Variants in TMEM38B observed in about 807,000 individuals in gnomAD.
TMEM38B encodes trimeric intracellular cation channel type B.
A neutral mutation model predicts 28.7 loss-of-function variants in TMEM38B; 24 were observed. That is an observed-to-expected ratio of 0.84 (90% confidence interval 0.61 to 1.18). The LOEUF is 1.18. TMEM38B is among the 50% of genes most tolerant of loss of function. The pLI is 0.00. For missense variants in TMEM38B, 380 were observed against 350.9 expected (o/e 1.08, Z -0.66); for synonymous variants, 131 against 127.7 (o/e 1.03, Z -0.17).
Position 105,721,655 on chromosome 9 carries a change from G to A in TMEM38B, c.388G>A (p.Val130Ile). 6.2e-7 allele frequency: 1 copy of A among 1,613,630 alleles called. No individual in the cohort carries two copies. Among genetic ancestry groups the A allele is most frequent in the Non-Finnish European group, 8.5e-7 (1 of 1,179,642 alleles). Residue 130 changes from valine to isoleucine, a missense_variant, in exon 3 of 6, where the codon GTC becomes ATC. Transcript: ENST00000374692. ...CAGAACTTGGAAAATAGTAGGTGGA[G>A]TCACACATGCTAATAGCTATTACAA... Reference protein sequence around the residue: ...VTRTWKIVGGVTHANSYYKNG... With the variant: ...VTRTWKIVGGITHANSYYKNG...
intron 5 of TMEM38B, among the ~76,000 whole-genome samples, chr9:105,761,078 T>C (rs560028311): frequency 6.6e-6 from 1 of 152,344 alleles, no homozygotes; most frequent in East Asian, 1.9e-4. Context: ...TAAACTATAA[T>C]TCTGTTTTTA....
At position 105,717,504 on chromosome 9, in the gene TMEM38B, T is replaced by G. The variant is rs151035174; in HGVS notation, c.270-4033T>G. Among the ~76,000 whole-genome samples the G allele has an allele frequency of 4.6e-4, 70 of 152,348 alleles. 1 individual carries two copies. In the East Asian group the frequency reaches 0.01, roughly 22 times the overall value. On this transcript the variant is annotated intron_variant, in intron 2 of 5. Coordinates refer to ENST00000374692, the MANE Select transcript of TMEM38B (RefSeq NM_018112.3). Reference sequence around the variant, plus strand: ...TGGATAAATTATGGCATATTAATTCTGTTACGGTAAATACTGGTGAAAATT... The same window carrying G: ...TGGATAAATTATGGCATATTAATTCGGTTACGGTAAATACTGGTGAAAATT...
chr9:105,753,463 A>G (rs1588459833), intron 5 of TMEM38B, among the ~76,000 whole-genome samples: 1 of 152,106 alleles, frequency 6.6e-6, no homozygotes, highest in Non-Finnish European at 1.5e-5. Context: ...CTAACAGTGG[A>G]CCTCTCAGTG....
intron 4 of TMEM38B, among the ~76,000 whole-genome samples, chr9:105,734,784 A>G (rs1836908535): frequency 6.6e-6 from 1 of 150,502 alleles, no homozygotes. Flanking sequence ...TGCATGGAAT[A>G]TGTTTTTCAT....
intron 4 of TMEM38B, among the ~76,000 whole-genome samples, chr9:105,733,026 C>G (rs1836820905): frequency 6.6e-6 from 1 of 152,104 alleles, no homozygotes; most frequent in Admixed American, 6.6e-5. Flanking sequence ...TGTTCAGTTT[C>G]CATGTAGTTG....
At chr9:105,703,574 G>C (rs567593578) in intron 1 of TMEM38B, among the ~76,000 whole-genome samples, 102 of 152,312 alleles carry the variant, frequency 6.7e-4, no homozygotes, top group African/African-American at 2.1e-3. Context: ...GTAATGGGAT[G>C]GCTGGGTCAA....
At chr9:105,721,748 A>G in intron 3 of TMEM38B, 27 bp downstream of exon 3, 1 of 1,549,140 alleles carries the variant, frequency 6.5e-7, no homozygotes, top group Non-Finnish European at 8.8e-7. Context: ...GTGTTCATAA[A>G]TATTCTGTTG....
intron 5 of TMEM38B, among the ~76,000 whole-genome samples, chr9:105,773,093 C>T (rs1826610333): frequency 1.3e-5 from 2 of 152,080 alleles, no homozygotes; most frequent in Non-Finnish European, 2.9e-5. Context: ...TGGGGAAATT[C>T]CTGGATTCTT....
chr9:105,771,815 A>G (rs1046583953), intron 5 of TMEM38B, among the ~76,000 whole-genome samples: 1 of 152,082 alleles, frequency 6.6e-6, no homozygotes, highest in Admixed American at 6.6e-5. Context: ...TGACTTCCAG[A>G]TCTATATCTA....
chr9:105,724,622 T>A (rs1836441062), intron 4 of TMEM38B, among the ~76,000 whole-genome samples: 1 of 131,038 alleles, frequency 7.6e-6, no homozygotes. Context: ...AGACTCTGTC[T>A]CAAAAAAAAA....
At chr9:105,717,863 T>G (rs1465786904) in intron 2 of TMEM38B, among the ~76,000 whole-genome samples, 2 of 152,216 alleles carry the variant, frequency 1.3e-5, no homozygotes, top group Non-Finnish European at 2.9e-5. Flanking sequence ...TTACATAGCA[T>G]TTACTGTGTC....
At chr9:105,700,805 T>A (rs1268879028) in intron 1 of TMEM38B, among the ~76,000 whole-genome samples, 1 of 152,142 alleles carries the variant, frequency 6.6e-6, no homozygotes, top group South Asian at 2.1e-4. Flanking sequence ...TGAGTCCCCA[T>A]GTAAAAACAG....
At chr9:105,759,213 G>T in intron 5 of TMEM38B, 1 of 720,194 alleles carries the variant, frequency 1.4e-6, no homozygotes, top group Admixed American at 2.0e-5. Context: ...TGAATATTAT[G>T]AATTATTTGT....
chr9:105,695,324 C>T (rs1359485694), intron 1 of TMEM38B, among the ~76,000 whole-genome samples: 1 of 152,208 alleles, frequency 6.6e-6, no homozygotes, highest in Admixed American at 6.5e-5. Flanking sequence ...CAAAAAGCCT[C>T]CTGTAGCCAG....
At chr9:105,744,899 C>T (rs1358654187) in intron 4 of TMEM38B, among the ~76,000 whole-genome samples, 1 of 152,122 alleles carries the variant, frequency 6.6e-6, no homozygotes, top group Non-Finnish European at 1.5e-5. Context: ...CATCCATGTC[C>T]CTACAAAGGA....
In TMEM38B at chr9:105,710,877, C is replaced by T. The variant is rs113981972; in HGVS notation, c.269+5124C>T. On this transcript the variant is annotated intron_variant, in intron 2 of 5. Coordinates refer to ENST00000374692, the MANE Select transcript of TMEM38B (RefSeq NM_018112.3). ...TCAGACACACACAGCCAGAGGGCTC[C>T]GCTATGGCAACCGCCTCTTTTCCTG... 4.6e-3 allele frequency: 1,367 copies of T among 294,800 alleles called. 9 individuals carry two copies. The highest frequency in any genetic ancestry group is 0.027 in the African/African-American group (1,226 of 45,592). 18.3% of individuals were successfully genotyped at this position (294,800 alleles called of 1,614,324 possible).
At position 105,731,421 on chromosome 9, in the gene TMEM38B, T is replaced by C. The variant is rs147242181; in HGVS notation, c.542+8800T>C. 7.9e-3 allele frequency among the ~76,000 whole-genome samples: 1,202 copies of C among 152,084 alleles called. 9 individuals carry two copies. Among genetic ancestry groups the C allele is most frequent in the African/African-American group, 0.027 (1,123 of 41,516 alleles). ...GCTGCACCCATTAACTCGTCATTTATATTAGGTATTTCTCTTAATGCTATC... is the reference window on the plus strand; with the variant it reads ...GCTGCACCCATTAACTCGTCATTTACATTAGGTATTTCTCTTAATGCTATC... On this transcript the variant is annotated intron_variant, in intron 4 of 5. Coordinates refer to ENST00000374692, the MANE Select transcript of TMEM38B (RefSeq NM_018112.3).
chr9:105,761,561 C>T (rs1042746091), intron 5 of TMEM38B, among the ~76,000 whole-genome samples: 6 of 152,068 alleles, frequency 3.9e-5, no homozygotes, highest in African/African-American at 1.2e-4. Context: ...TATTTTTAAT[C>T]AAGGGAGATA....
At chr9:105,762,816 C>A (rs1333147011) in intron 5 of TMEM38B, among the ~76,000 whole-genome samples, 1 of 149,972 alleles carries the variant, frequency 6.7e-6, no homozygotes, top group Non-Finnish European at 1.5e-5. Flanking sequence ...AATTCTAGAT[C>A]CCTGAGGAAT....
Sources: gnomAD v4.1 joint callset for allele counts (sites outside exome capture counted in the v4.1 genomes callset) on GRCh38, gnomAD v4.1.1 for gene constraint, MANE v1.5 for transcripts, NCBI Gene and HGNC (gene_info 2026-07-23, HGNC 2026-07-21) for gene names.